Variants in ME3 observed in about 807,000 individuals in gnomAD.
ME3 encodes the protein NADP-dependent malic enzyme, mitochondrial.
Under a neutral mutation model 68.9 loss-of-function variants are expected in ME3, and 48 were observed. The ratio of observed to expected loss-of-function variants is 0.70; its 90% CI spans 0.55 to 0.89. The LOEUF (loss-of-function observed/expected upper bound fraction) is 0.89, where lower values mean the gene tolerates loss of function less well. Among genes scored for constraint, ME3 ranks in the 40% least tolerant of loss-of-function variants. The pLI is 0.00. For synonymous variants in ME3, 320 were observed against 318.8 expected, an observed-to-expected ratio of 1.00 and a Z score of -0.04; for missense variants, 675 against 797.4, an observed-to-expected ratio of 0.85 and a Z score of 1.85.
At chr11:86,552,224 G>A (rs1471156999) in intron 4 of ME3, among the ~76,000 whole-genome samples, 17 of 152,176 alleles carry the variant, frequency 1.1e-4, no homozygotes. Flanking sequence ...GGCTGAGGAG[G>A]TGCTAAATTA....
chr11:86,564,151 A>G (rs1055873023), intron 2 of ME3, among the ~76,000 whole-genome samples: 4 of 152,098 alleles, frequency 2.6e-5, no homozygotes, highest in African/African-American at 9.7e-5. Context: ...CTCCTTGTAG[A>G]GATCTTGCTT....
At chr11:86,615,904 C>T (rs1279362745) in intron 2 of ME3, among the ~76,000 whole-genome samples, 1 of 152,060 alleles carries the variant, frequency 6.6e-6, no homozygotes, top group African/African-American at 2.4e-5. Flanking sequence ...GATTAAAAAC[C>T]ACCAATAACA....
At chr11:86,643,957 T>C (rs773913687) in intron 2 of ME3, among the ~76,000 whole-genome samples, 5 of 152,198 alleles carry the variant, frequency 3.3e-5, no homozygotes, top group Non-Finnish European at 5.9e-5. Flanking sequence ...CACAAGCTTT[T>C]TGTGGGGATC....
chr11:86,563,160 A>T (rs963693632), intron 2 of ME3, among the ~76,000 whole-genome samples: 1 of 152,182 alleles, frequency 6.6e-6, no homozygotes, highest in East Asian at 1.9e-4. Context: ...TGGTAGAATG[A>T]TTTATTTTCC....
chr11:86,628,465 G>A (rs913537979), intron 2 of ME3, among the ~76,000 whole-genome samples: 11 of 152,164 alleles, frequency 7.2e-5, no homozygotes, highest in African/African-American at 2.4e-4. Flanking sequence ...AAATTCTGAC[G>A]CCTAGGCCAT....
rs557176155 is a variant in ME3 at position 86,589,831 on chromosome 11, C to T, written c.184-30008G>A. ...AATAAGGGATCTTACTTGTAAATAT[C>T]CACAACATGTTCTCCTTGGTCCAGA... On this transcript the variant is annotated intron_variant, in intron 2 of 14. Coordinates refer to ENST00000543262, the Ensembl canonical transcript of ME3. Among the ~76,000 whole-genome samples, 4 of 152,266 alleles carry T rather than the reference C, an allele frequency of 2.6e-5. No homozygotes were observed. The South Asian group carries it at 8.3e-4, about 32-fold the overall frequency.
chr11:86,531,167 C>A (rs1391535963), intron 4 of ME3, among the ~76,000 whole-genome samples: 2 of 151,810 alleles, frequency 1.3e-5, no homozygotes, highest in African/African-American at 4.8e-5. Context: ...AAACAAACAA[C>A]CCCATCAACA....
At chr11:86,580,130 G>T (rs1330255201) in intron 2 of ME3, among the ~76,000 whole-genome samples, 1 of 152,120 alleles carries the variant, frequency 6.6e-6, no homozygotes, top group South Asian at 2.1e-4. Flanking sequence ...GGGGCTACAT[G>T]CACCTTGTCA....
At chr11:86,441,413 G>C in exon 15 of ME3, 1 of 1,605,620 alleles carries the variant, frequency 6.2e-7, no homozygotes, top group African/African-American at 1.3e-5. Context: ...TAGGAAGCCA[G>C]GTTGTGTTTG....
intron 4 of ME3, among the ~76,000 whole-genome samples, chr11:86,536,534 A>C (rs1364725537): frequency 7.3e-6 from 1 of 136,386 alleles, no homozygotes; most frequent in East Asian, 2.0e-4. Flanking sequence ...CACATGAAAA[A>C]ATGCTCATCA....
intron 4 of ME3, among the ~76,000 whole-genome samples, chr11:86,545,346 G>A (rs1362474919): frequency 6.6e-6 from 1 of 152,108 alleles, no homozygotes; most frequent in African/African-American, 2.4e-5. Context: ...AAGAAATAAA[G>A]GGTATTCAAA....
chr11:86,607,176 G>T (rs10792865), intron 2 of ME3, among the ~76,000 whole-genome samples: 128,927 of 152,138 alleles, frequency 0.85, 54,813 homozygotes, highest in Middle Eastern at 0.89. Flanking sequence ...TCACAGCCAT[G>T]AAGAAATCTA....
At chr11:86,620,192 TA>T (rs1943255710) in intron 2 of ME3, among the ~76,000 whole-genome samples, 1 of 152,220 alleles carries the variant, frequency 6.6e-6, no homozygotes, top group Non-Finnish European at 1.5e-5. Context: ...GTATGACATA[TA>T]TCCCTATTTT....
chr11:86,594,760 C>T (rs751851328), intron 2 of ME3, among the ~76,000 whole-genome samples: 1 of 146,626 alleles, frequency 6.8e-6, no homozygotes, highest in Non-Finnish European at 1.5e-5. Flanking sequence ...AAAGATTTTT[C>T]CTGCCTGCAG....
exon 13 of ME3, chr11:86,446,395 G>A (rs1289156674): frequency 4.3e-6 from 7 of 1,614,180 alleles, no homozygotes; most frequent in East Asian, 2.2e-5. Context: ...CGGGGAACAC[G>A]TAAGCATTGT....
chr11:86,591,524 C>T lies in ME3; in HGVS notation c.184-31701G>A, dbSNP rs561582585. On this transcript the variant is annotated intron_variant, in intron 2 of 14. Coordinates refer to ENST00000543262, the Ensembl canonical transcript of ME3. Reference sequence around the variant, plus strand: ...CAGCAGGAAGGTGGCCATCTGTAAGCGAAGGAGAGAGGTTTCAGGAGAAAC... The same window carrying T: ...CAGCAGGAAGGTGGCCATCTGTAAGTGAAGGAGAGAGGTTTCAGGAGAAAC... Among the ~76,000 whole-genome samples the T allele has an allele frequency of 1.1e-4, 17 of 152,198 alleles. No individual in the cohort carries two copies. The East Asian group carries it at 2.3e-3, about 21-fold the overall frequency.
chr11:86,450,158 G>A, intron 9 of ME3, 143 bp downstream of exon 9: 1 of 980,016 alleles, frequency 1.0e-6, no homozygotes. Flanking sequence ...CCAATTGTCA[G>A]AGCCTAGGCA....
chr11:86,523,202 G>A (rs1954458166), intron 4 of ME3, among the ~76,000 whole-genome samples: 1 of 152,170 alleles, frequency 6.6e-6, no homozygotes, highest in Admixed American at 6.5e-5. Flanking sequence ...AAAAAAAGAA[G>A]CCAACATTTA....
chr11:86,578,093 C>A (rs79936900), intron 2 of ME3, among the ~76,000 whole-genome samples: 1 of 152,120 alleles, frequency 6.6e-6, no homozygotes, highest in African/African-American at 2.4e-5. Context: ...CCATCCCGAC[C>A]GAACAAGGGA....
Sources: allele counts gnomAD v4.1 joint callset (sites outside exome capture counted in the v4.1 genomes callset), GRCh38; gene constraint gnomAD v4.1.1; transcripts MANE v1.5; gene names NCBI Gene and HGNC (gene_info 2026-07-23, HGNC 2026-07-21).